Variants in EGFLAM observed in about 807,000 individuals in gnomAD.
EGFLAM encodes the protein pikachurin.
A neutral mutation model predicts 113.1 loss-of-function variants in EGFLAM; 79 were observed. That is an observed-to-expected ratio of 0.70 (90% CI 0.58 to 0.84). EGFLAM has a LOEUF of 0.84. Ranked by LOEUF, EGFLAM falls within the 40% of genes least tolerant of loss-of-function variation. EGFLAM has a pLI of 0.00. For missense variants in EGFLAM, 1,265 were observed against 1,291.6 expected (o/e 0.98, Z 0.32); for synonymous variants, 504 against 487.6 (o/e 1.03, Z -0.44).
At position 38,391,410 on chromosome 5, in the gene EGFLAM, G is replaced by GTGTGTGTT. The variant is rs1554010819; in HGVS notation, c.713-14709_713-14708insTTGTGTGT. 8.5e-3 allele frequency among the ~76,000 whole-genome samples: 1,279 copies of GTGTGTGTT among 151,144 alleles called. 16 individuals carry two copies. Among genetic ancestry groups the GTGTGTGTT allele is most frequent in the African/African-American group, 0.028 (1,160 of 40,982 alleles). ...TGTGTGTGTGTGTGTGTGTGTGTGTGTGTGTGTGATGGAGTCTCACTCTGT... is the reference window on the plus strand; with the variant it reads ...TGTGTGTGTGTGTGTGTGTGTGTGTGTGTGTGTTTGTGTGTGATGGAGTCTCACTCTGT... On this transcript the variant is annotated intron_variant, in intron 6 of 21. Transcript: ENST00000322350.
chr5:38,294,950 C>T (rs1427610330), intron 1 of EGFLAM, among the ~76,000 whole-genome samples: 6 of 152,078 alleles, frequency 3.9e-5, no homozygotes, highest in African/African-American at 1.2e-4. Context: ...CTCAGCCTCC[C>T]GAGTAGCTGG....
intron 5 of EGFLAM, among the ~76,000 whole-genome samples, chr5:38,360,486 C>T (rs978427908): frequency 1.3e-5 from 2 of 152,124 alleles, no homozygotes; most frequent in African/African-American, 4.8e-5. Context: ...AGTATCAAGA[C>T]GTAGGGGAGG....
intron 6 of EGFLAM, among the ~76,000 whole-genome samples, chr5:38,403,061 G>A (rs1283233375): frequency 1.3e-5 from 2 of 152,180 alleles, no homozygotes; most frequent in Middle Eastern, 3.2e-3. Flanking sequence ...ACTACCAAAT[G>A]GATTTCTTCT....
At chr5:38,266,004 G>C (rs1328485259) in intron 1 of EGFLAM, among the ~76,000 whole-genome samples, 2 of 152,190 alleles carry the variant, frequency 1.3e-5, no homozygotes, top group African/African-American at 4.8e-5. Context: ...AGCTGTGACT[G>C]CTGACGACAA....
chr5:38,367,705 C>CA (rs1740099005), intron 5 of EGFLAM, among the ~76,000 whole-genome samples: 2 of 151,728 alleles, frequency 1.3e-5, no homozygotes, highest in South Asian at 2.1e-4. Flanking sequence ...TTTCTTCAGT[C>CA]AAAAAAAAGA....
intron 6 of EGFLAM, among the ~76,000 whole-genome samples, chr5:38,398,193 T>G (rs1741012554): frequency 1.3e-5 from 2 of 152,242 alleles, no homozygotes. Flanking sequence ...GAACTTTTGC[T>G]GTTAAGAACC....
chr5:38,343,361 G>A (rs1046427529), intron 3 of EGFLAM, among the ~76,000 whole-genome samples: 12 of 149,772 alleles, frequency 8.0e-5, no homozygotes, highest in South Asian at 4.2e-4. Flanking sequence ...AGCCGAGATC[G>A]CGCCATTGCA....
chr5:38,370,529 A>G, intron 6 of EGFLAM, 67 bp downstream of exon 6: 1 of 1,540,228 alleles, frequency 6.5e-7, no homozygotes, highest in Non-Finnish European at 8.8e-7. Flanking sequence ...ATGAAGACTC[A>G]CTTGACCTGG....
chr5:38,324,215 T>C (rs1195249671), intron 1 of EGFLAM, among the ~76,000 whole-genome samples: 1 of 152,162 alleles, frequency 6.6e-6, no homozygotes, highest in African/African-American at 2.4e-5. Context: ...GTTGGGACTA[T>C]GTCCTAATGT....
At chr5:38,448,232 C>T in intron 17 of EGFLAM, 69 bp from the exon 18 acceptor site, 2 of 1,513,010 alleles carry the variant, frequency 1.3e-6, no homozygotes, top group Admixed American at 3.4e-5. Flanking sequence ...TGTTTTCCTG[C>T]CATGTGTGTG....
chr5:38,280,608 G>A (rs112906236), intron 1 of EGFLAM, among the ~76,000 whole-genome samples: 7 of 152,220 alleles, frequency 4.6e-5, no homozygotes, highest in Non-Finnish European at 8.8e-5. Flanking sequence ...GGCTGGCTCC[G>A]TGACACCACT....
chr5:38,411,288 T>C (rs1741468381), intron 10 of EGFLAM, among the ~76,000 whole-genome samples: 1 of 151,340 alleles, frequency 6.6e-6, no homozygotes, highest in South Asian at 2.1e-4. Context: ...ATTAGCCGGG[T>C]GTGGTGGCAT....
At chr5:38,311,370 G>C (rs1463776012) in intron 1 of EGFLAM, among the ~76,000 whole-genome samples, 1 of 152,072 alleles carries the variant, frequency 6.6e-6, no homozygotes, top group East Asian at 1.9e-4. Context: ...GCCCCTGCCT[G>C]GTAACCGCCA....
At chr5:38,384,080 A>G (rs539341003) in intron 6 of EGFLAM, among the ~76,000 whole-genome samples, 1 of 152,290 alleles carries the variant, frequency 6.6e-6, no homozygotes, top group African/African-American at 2.4e-5. Flanking sequence ...TTATATTTTA[A>G]GCAGGATTGC....
intron 5 of EGFLAM, among the ~76,000 whole-genome samples, chr5:38,365,849 C>A (rs973749274): frequency 3.9e-5 from 6 of 152,000 alleles, no homozygotes; most frequent in Non-Finnish European, 7.4e-5. Flanking sequence ...TAAGTAGCTC[C>A]CACCCTGATC....
chr5:38,279,516 A>G, intron 1 of EGFLAM, among the ~76,000 whole-genome samples: 1 of 152,238 alleles, frequency 6.6e-6, no homozygotes, highest in Non-Finnish European at 1.5e-5. Flanking sequence ...GCATATCCAC[A>G]ATGATATATT....
intron 5 of EGFLAM, among the ~76,000 whole-genome samples, chr5:38,365,749 T>C (rs1290588306): frequency 2.0e-5 from 3 of 152,216 alleles, no homozygotes; most frequent in African/African-American, 7.2e-5. Context: ...CAGCTTTGTA[T>C]TCATATATAA....
intron 19 of EGFLAM, among the ~76,000 whole-genome samples, chr5:38,456,360 G>A (rs996647788): frequency 1.3e-5 from 2 of 152,100 alleles, no homozygotes; most frequent in Non-Finnish European, 1.5e-5. Flanking sequence ...ATCACCCCAC[G>A]CTGCCTCTCA....
At chr5:38,433,699 T>C (rs556837925) in intron 15 of EGFLAM, among the ~76,000 whole-genome samples, 2 of 152,328 alleles carry the variant, frequency 1.3e-5, no homozygotes, top group Non-Finnish European at 2.9e-5. Flanking sequence ...TCCTTTCCTC[T>C]TTCCATCTTA....
Sources: allele counts gnomAD v4.1 joint callset (sites outside exome capture counted in the v4.1 genomes callset), GRCh38; gene constraint gnomAD v4.1.1; transcripts MANE v1.5; gene names NCBI Gene and HGNC (gene_info 2026-07-23, HGNC 2026-07-21).